OR3A2: variants seen among roughly 807,000 people sequenced by gnomAD.
The protein encoded by OR3A2 is olfactory receptor 3A2.
For synonymous variants in OR3A2, 126 were observed against 159.3 expected, an observed-to-expected ratio of 0.79 and a Z score of 1.57; for missense variants, 318 against 392.8, an observed-to-expected ratio of 0.81 and a Z score of 1.61.
rs976248601 is a variant in OR3A2, at chr17:3,367,486, C to T, written c.-179+16318G>A. On this transcript the variant is annotated intron_variant, in intron 2 of 4. Coordinates refer to the OR3A2 transcript ENST00000573491. Reference sequence around the variant, plus strand: ...TGTTTGATTTTCCACTCCTGACTTACTTCACTTAGAATAATGCTCTCCAAC... The same window carrying T: ...TGTTTGATTTTCCACTCCTGACTTATTTCACTTAGAATAATGCTCTCCAAC... 3.3e-5 allele frequency among the ~76,000 whole-genome samples: 5 copies of T among 151,238 alleles called. No homozygotes were observed. The South Asian group carries it at 1.0e-3, about 32-fold the overall frequency.
intron 2 of OR3A2, among the ~76,000 whole-genome samples, chr17:3,348,019 G>GT (rs1349831166): frequency 6.6e-6 from 1 of 152,104 alleles, no homozygotes; most frequent in Non-Finnish European, 1.5e-5. Flanking sequence ...TTTTTCATGT[G>GT]TTTTTTGGCT....
intron 2 of OR3A2, among the ~76,000 whole-genome samples, chr17:3,354,765 CGATGATCTTTATT>C (rs1452412100): frequency 1.3e-5 from 2 of 151,180 alleles, no homozygotes; most frequent in Non-Finnish European, 2.9e-5. Context: ...CTTATTTCTG[CGATGATCTTTATT>C]ACCTCCCTTC....
At chr17:3,361,664 T>C (rs1260699083) in intron 2 of OR3A2, among the ~76,000 whole-genome samples, 1 of 151,822 alleles carries the variant, frequency 6.6e-6, no homozygotes, top group Non-Finnish European at 1.5e-5. Context: ...TCTGCATCTA[T>C]TGAGATAATC....
chr17:3,347,344 C>A (rs1192488111), intron 2 of OR3A2, among the ~76,000 whole-genome samples: 1 of 152,122 alleles, frequency 6.6e-6, no homozygotes, highest in Non-Finnish European at 1.5e-5. Context: ...GCTGCACCCA[C>A]TAACTCATCT....
At chr17:3,335,533 T>G (rs537363021) in intron 3 of OR3A2, among the ~76,000 whole-genome samples, 1 of 152,316 alleles carries the variant, frequency 6.6e-6, no homozygotes, top group Non-Finnish European at 1.5e-5. Flanking sequence ...ATTTTAAGTT[T>G]AAAAATGTGT....
intron 3 of OR3A2, among the ~76,000 whole-genome samples, chr17:3,303,746 A>AAAAAG (rs56383816): frequency 0.17 from 24,384 of 147,446 alleles, 3,434 homozygotes; most frequent in African/African-American, 0.33. Flanking sequence ...TTCATCTCAA[A>AAAAAG]AAAAAAAATT....
chr17:3,356,502 T>G (rs757537143), intron 2 of OR3A2, among the ~76,000 whole-genome samples: 5 of 151,446 alleles, frequency 3.3e-5, no homozygotes, highest in Non-Finnish European at 7.4e-5. Flanking sequence ...AGCAACCATA[T>G]GCAAATAAAT....
At chr17:3,280,015 A>G (rs1340675317) in intron 1 of OR3A2, among the ~76,000 whole-genome samples, 2 of 152,182 alleles carry the variant, frequency 1.3e-5, no homozygotes, top group East Asian at 3.8e-4. Context: ...TTAAGCCCCT[A>G]CAATGGACTT....
intron 2 of OR3A2, among the ~76,000 whole-genome samples, chr17:3,353,113 A>T: frequency 9.3e-6 from 1 of 107,608 alleles, no homozygotes; most frequent in African/African-American, 3.3e-5. Flanking sequence ...ATTTGCTTAT[A>T]AGTTCTTTTT....
At chr17:3,288,408 A>G (rs993763009), upstream of OR3A2, among the ~76,000 whole-genome samples, 2 of 152,222 alleles carry the variant, frequency 1.3e-5, no homozygotes, top group African/African-American at 4.8e-5. Flanking sequence ...AGGCTATTTC[A>G]TATAGCCTAG....
chr17:3,281,604 C>T (rs2048777321), intron 1 of OR3A2, among the ~76,000 whole-genome samples: 1 of 151,962 alleles, frequency 6.6e-6, no homozygotes, highest in Admixed American at 6.6e-5. Context: ...ATACTTCCAA[C>T]GACTAGCTCT....
At chr17:3,369,382 T>G (rs4093212) in intron 2 of OR3A2, among the ~76,000 whole-genome samples, 4 of 152,046 alleles carry the variant, frequency 2.6e-5, no homozygotes, top group African/African-American at 4.8e-5. Context: ...TTGTGATAGA[T>G]GGCTTTTATT....
intron 2 of OR3A2, among the ~76,000 whole-genome samples, chr17:3,369,891 C>A (rs181951649): frequency 2.0e-5 from 3 of 150,770 alleles, no homozygotes; most frequent in South Asian, 2.1e-4. Context: ...GCAACCTCTG[C>A]TTCACAGGTC....
intron 2 of OR3A2, among the ~76,000 whole-genome samples, chr17:3,369,393 A>G (rs1282509009): frequency 6.6e-6 from 1 of 152,176 alleles, no homozygotes; most frequent in Admixed American, 6.5e-5. Context: ...GGCTTTTATT[A>G]CCTTAAGCCA....
intron 2 of OR3A2, among the ~76,000 whole-genome samples, chr17:3,371,367 G>A (rs80125275): frequency 0.39 from 56,026 of 143,406 alleles, 10,982 homozygotes; most frequent in Admixed American, 0.51. Flanking sequence ...CTGGCCGGGC[G>A]GGGGGCTGAC....
chr17:3,323,504 C>G (rs2049143850), intron 3 of OR3A2, among the ~76,000 whole-genome samples: 1 of 151,966 alleles, frequency 6.6e-6, no homozygotes, highest in Admixed American at 6.6e-5. Context: ...ACCGGTTGTT[C>G]CTTTCCATGT....
intron 2 of OR3A2, among the ~76,000 whole-genome samples, chr17:3,371,408 G>T (rs1363883822): frequency 6.7e-6 from 1 of 149,116 alleles, no homozygotes; most frequent in Non-Finnish European, 1.5e-5. Context: ...CGGGGTGGCT[G>T]GCTGGGCAGG....
At chr17:3,381,632 T>C (rs944046231) in intron 2 of OR3A2, among the ~76,000 whole-genome samples, 3 of 152,206 alleles carry the variant, frequency 2.0e-5, no homozygotes, top group African/African-American at 7.2e-5. Context: ...GTGAGGATGG[T>C]ATTTTTATCC....
At chr17:3,331,544 G>C (rs568505003) in intron 3 of OR3A2, among the ~76,000 whole-genome samples, 2,002 of 151,574 alleles carry the variant, frequency 0.013, 27 homozygotes, top group Non-Finnish European at 0.015. Context: ...CGTAGTTCTC[G>C]AGCCTTGGTT....
Sources: gnomAD v4.1 joint callset for allele counts (sites outside exome capture counted in the v4.1 genomes callset) on GRCh38, gnomAD v4.1.1 for gene constraint, MANE v1.5 for transcripts, NCBI Gene and HGNC (gene_info 2026-07-23, HGNC 2026-07-21) for gene names.